Variants in NPR3 observed in about 807,000 individuals in gnomAD.
NPR3 encodes atrial natriuretic peptide receptor 3.
Under a neutral mutation model 54.5 loss-of-function variants are expected in NPR3, and 34 were observed. That is an observed-to-expected ratio of 0.62 (90% CI 0.47 to 0.83). The LOEUF (loss-of-function observed/expected upper bound fraction) is 0.83. Ranked by LOEUF, NPR3 falls within the 40% of genes least tolerant of loss-of-function variation. The pLI, the probability that NPR3 is intolerant of heterozygous loss-of-function variation, is 0.00. For synonymous variants in NPR3, 289 were observed against 297.1 expected (o/e 0.97, Z 0.28); for missense variants, 674 against 720.8 (o/e 0.94, Z 0.74).
upstream of NPR3, among the ~76,000 whole-genome samples, chr5:32,704,555 C>T (rs542347160): frequency 3.0e-4 from 45 of 152,278 alleles, no homozygotes; most frequent in African/African-American, 1.1e-3. Flanking sequence ...AATGCGCAGA[C>T]ATTTTGATGA....
chr5:32,727,731 C>T (rs1471130899), intron 2 of NPR3, among the ~76,000 whole-genome samples: 17 of 152,054 alleles, frequency 1.1e-4, no homozygotes. Context: ...ATTTATTTTG[C>T]AAGAATTCTA....
At chr5:32,761,276 C>A (rs1741147054) in intron 3 of NPR3, among the ~76,000 whole-genome samples, 1 of 151,980 alleles carries the variant, frequency 6.6e-6, no homozygotes, top group African/African-American at 2.4e-5. Flanking sequence ...TGGGGGAAAA[C>A]TGACATCTTA....
At chr5:32,782,644 A>G (rs1742397660) in intron 5 of NPR3, among the ~76,000 whole-genome samples, 1 of 152,110 alleles carries the variant, frequency 6.6e-6, no homozygotes, top group Non-Finnish European at 1.5e-5. Context: ...AGCGACTTCA[A>G]ATCTTGACTT....
intron 1 of NPR3, among the ~76,000 whole-genome samples, chr5:32,714,360 C>G (rs575122812): frequency 1.3e-5 from 2 of 152,218 alleles, no homozygotes; most frequent in Non-Finnish European, 2.9e-5. Flanking sequence ...ACAGTGGTGG[C>G]TGAGGCCTGG....
intron 1 of NPR3, chr5:32,713,213 A>C: frequency 1.0e-6 from 1 of 985,456 alleles, no homozygotes. Context: ...AGTGTTCTGC[A>C]ACGCAGTTTC....
chr5:32,770,818 C>T (rs572916176), intron 3 of NPR3, among the ~76,000 whole-genome samples: 2 of 152,282 alleles, frequency 1.3e-5, no homozygotes, highest in South Asian at 2.1e-4. Flanking sequence ...AGGAAAGCTT[C>T]CTGGCAATAA....
intron 3 of NPR3, among the ~76,000 whole-genome samples, chr5:32,756,565 C>T (rs1740852025): frequency 6.6e-6 from 1 of 152,168 alleles, no homozygotes; most frequent in African/African-American, 2.4e-5. Context: ...CCTGTTTACT[C>T]TGACGGTAGT....
At position 32,731,368 on chromosome 5, in the gene NPR3, A is replaced by G. The variant is rs192478124; in HGVS notation, c.892+6548A>G. On this transcript the variant is annotated intron_variant, in intron 2 of 7. Coordinates refer to ENST00000265074, the MANE Select transcript of NPR3 (RefSeq NM_001204375.2). ...TTTCTGCCTGAGAGGCTCTGCCATG[A>G]ACTAGCTGTTAACTCTAAGAGGTAA... 4.7e-3 allele frequency among the ~76,000 whole-genome samples: 715 copies of G among 152,278 alleles called. 1 individual carries two copies. Among genetic ancestry groups the G allele is most frequent in the South Asian group, 8.1e-3 (39 of 4,818 alleles).
At chr5:32,719,820 A>G (rs1269203452) in intron 1 of NPR3, among the ~76,000 whole-genome samples, 1 of 125,844 alleles carries the variant, frequency 7.9e-6, no homozygotes, top group South Asian at 2.4e-4. Flanking sequence ...TCTTGTTTGG[A>G]TATTTCCTTG....
At chr5:32,746,522 T>C (rs1327504920) in intron 3 of NPR3, among the ~76,000 whole-genome samples, 1 of 152,192 alleles carries the variant, frequency 6.6e-6, no homozygotes, top group Non-Finnish European at 1.5e-5. Flanking sequence ...TGGAAGAAAC[T>C]GAACAAAGAC....
intron 3 of NPR3, among the ~76,000 whole-genome samples, chr5:32,757,636 C>T (rs1010347758): frequency 3.3e-5 from 5 of 152,058 alleles, no homozygotes; most frequent in Admixed American, 2.6e-4. Flanking sequence ...TCCAACACTA[C>T]GTTGAATAGG....
Position 32,789,957 on chromosome 5 carries a change from C to G in NPR3, c.*3612C>G. The G allele has an allele frequency of 3.0e-6, 1 of 336,320 alleles. No homozygotes were observed. The highest frequency in any genetic ancestry group is 2.8e-5 in the South Asian group (1 of 35,378). The allele number at this position is 336,320 out of a possible 1,614,324, so 20.8% of individuals were successfully genotyped here. A position where few individuals can be genotyped will look rare whatever the true frequency, so the allele number is the denominator to read the frequency against. Reference sequence around the variant, plus strand: ...TTCTTGGGACACAAAGCACTCAGATCCTGAGTGGATGCAGACATGAGAGTA... The same window carrying G: ...TTCTTGGGACACAAAGCACTCAGATGCTGAGTGGATGCAGACATGAGAGTA... On this transcript the variant is annotated 3_prime_UTR_variant, in exon 8 of 8. Transcript: ENST00000265074.
At chr5:32,691,385 A>G (rs546467501) in intron 1 of NPR3, among the ~76,000 whole-genome samples, 3 of 152,252 alleles carry the variant, frequency 2.0e-5, no homozygotes, top group African/African-American at 4.8e-5. Flanking sequence ...AATGTATCAC[A>G]TGCAGTTCCT....
At position 32,789,599 on chromosome 5, in the gene NPR3, T is replaced by C. The variant is rs1324039930; in HGVS notation, c.*3254T>C. On this transcript the variant is annotated 3_prime_UTR_variant, in exon 8 of 8. Transcript: ENST00000265074. The stretch of plus-strand genomic sequence containing the variant: ...CTCTTAAATTCAAAGACGTTTGCTT[T>C]GGAATGCCCTCACTTCTCCCTATTC... 2 of 534,776 alleles carry C rather than the reference T, an allele frequency of 3.7e-6. No individual in the cohort carries two copies. The highest frequency in any genetic ancestry group is 7.7e-6 in the Non-Finnish European group (2 of 260,086). 33.1% of individuals were successfully genotyped at this position (534,776 alleles called of 1,614,324 possible).
At chr5:32,782,718 C>A (rs1242160426) in intron 5 of NPR3, among the ~76,000 whole-genome samples, 175 bp from the exon 6 acceptor site, 1 of 152,184 alleles carries the variant, frequency 6.6e-6, no homozygotes, top group Non-Finnish European at 1.5e-5. Flanking sequence ...CCCAATGTAC[C>A]ACGCTTTTCT....
At chr5:32,710,859 G>GTT (rs56022335), upstream of NPR3, 4,848 of 971,442 alleles carry the variant, frequency 5.0e-3, 2 homozygotes, top group South Asian at 0.016. Flanking sequence ...CCCAGTCCTG[G>GTT]TTTTTTTTTT....
chr5:32,696,209 T>C (rs1364646633), intron 1 of NPR3, among the ~76,000 whole-genome samples: 2 of 152,238 alleles, frequency 1.3e-5, no homozygotes, highest in Admixed American at 1.3e-4. Flanking sequence ...TTTATTATTC[T>C]GCATATGGAT....
intron 3 of NPR3, among the ~76,000 whole-genome samples, chr5:32,743,316 A>G (rs959794622): frequency 6.6e-6 from 1 of 152,210 alleles, no homozygotes; most frequent in African/African-American, 2.4e-5. Context: ...AAATTATAAG[A>G]TCACAACTAG....
intron 1 of NPR3, chr5:32,713,178 T>C (rs1738358216): frequency 2.0e-6 from 2 of 985,432 alleles, no homozygotes; most frequent in South Asian, 9.4e-5. Context: ...TGTGTCTGAA[T>C]TCTGGCGACA....
Sources: gnomAD v4.1 joint callset for allele counts (sites outside exome capture counted in the v4.1 genomes callset) on GRCh38, gnomAD v4.1.1 for gene constraint, MANE v1.5 for transcripts, NCBI Gene and HGNC (gene_info 2026-07-23, HGNC 2026-07-21) for gene names.